MTARC2: variants seen among roughly 807,000 people sequenced by gnomAD.
MTARC2 encodes the protein mitochondrial amidoxime reducing component 2, also known as MOCO sulphurase C-terminal domain containing 2.
In MTARC2, 27 loss-of-function variants were observed where a neutral mutation model predicts 35.6. The observed-to-expected ratio is 0.76, with a 90% CI of 0.56 to 1.04. The LOEUF is 1.04. Ranked by LOEUF, MTARC2 falls within the 50% of genes least tolerant of loss-of-function variation. MTARC2 has a pLI of 0.00. For synonymous variants in MTARC2, 158 were observed against 167.1 expected (o/e 0.95, Z 0.42); for missense variants, 412 against 432.5 (o/e 0.95, Z 0.42).
intron 4 of MTARC2, among the ~76,000 whole-genome samples, chr1:220,768,231 A>C (rs183889467): frequency 1.5e-3 from 226 of 152,362 alleles, no homozygotes; most frequent in African/African-American, 5.2e-3. Context: ...TTTTAAAAGA[A>C]GTACAGGAAA....
chr1:220,765,265 G>T (rs928352289), intron 4 of MTARC2, among the ~76,000 whole-genome samples: 1 of 152,188 alleles, frequency 6.6e-6, no homozygotes, highest in African/African-American at 2.4e-5. Context: ...ATGAATAAAG[G>T]GGTGCTTGGG....
At chr1:220,757,783 A>G (rs961315373) in intron 2 of MTARC2, among the ~76,000 whole-genome samples, 1 of 152,152 alleles carries the variant, frequency 6.6e-6, no homozygotes, top group African/African-American at 2.4e-5. Context: ...GTGTCAACAA[A>G]GGAATTCTGG....
At chr1:220,764,125 G>A (rs369144519) in intron 4 of MTARC2, among the ~76,000 whole-genome samples, 4 of 150,096 alleles carry the variant, frequency 2.7e-5, no homozygotes, top group East Asian at 1.9e-4. Flanking sequence ...AGAGAGTCTC[G>A]CTCTGTCACC....
At chr1:220,760,680 AATG>A (rs2102550484) in intron 2 of MTARC2, among the ~76,000 whole-genome samples, 1 of 152,326 alleles carries the variant, frequency 6.6e-6, no homozygotes, top group Admixed American at 6.5e-5. Flanking sequence ...TCATAATTGT[AATG>A]ATAACTCAAT....
chr1:220,778,173 C>T (rs577183018), intron 4 of MTARC2, among the ~76,000 whole-genome samples: 35 of 133,010 alleles, frequency 2.6e-4, no homozygotes, highest in Non-Finnish European at 3.7e-4. Flanking sequence ...ATCTGGGAGG[C>T]GGAGATTGCG....
intron 4 of MTARC2, among the ~76,000 whole-genome samples, chr1:220,779,354 A>G (rs1173696535): frequency 6.6e-6 from 1 of 152,240 alleles, no homozygotes; most frequent in Non-Finnish European, 1.5e-5. Flanking sequence ...GCTGCTTTAC[A>G]TCCTCCAGTG....
At chr1:220,775,906 T>G (rs1331388048) in intron 4 of MTARC2, among the ~76,000 whole-genome samples, 2 of 152,254 alleles carry the variant, frequency 1.3e-5, no homozygotes, top group Non-Finnish European at 2.9e-5. Flanking sequence ...GTATACCACA[T>G]TTTCTTTATC....
chr1:220,768,658 G>C (rs1443665692), intron 4 of MTARC2, among the ~76,000 whole-genome samples: 1 of 152,120 alleles, frequency 6.6e-6, no homozygotes, highest in East Asian at 1.9e-4. Flanking sequence ...GGTGTCAGGG[G>C]CTGCCCTCTG....
chr1:220,761,909 A>G, intron 3 of MTARC2, 89 bp downstream of exon 3: 1 of 1,294,760 alleles, frequency 7.7e-7, no homozygotes, highest in East Asian at 2.3e-5. Flanking sequence ...CTCTCTTGGG[A>G]CCTCAGTTAA....
At chr1:220,769,583 CGGAT>C (rs1325928332) in intron 4 of MTARC2, among the ~76,000 whole-genome samples, 1 of 152,098 alleles carries the variant, frequency 6.6e-6, no homozygotes, top group East Asian at 1.9e-4. Context: ...GCAGGAGTTG[CGGAT>C]GTGCCTGGAG....
intron 4 of MTARC2, among the ~76,000 whole-genome samples, chr1:220,778,247 C>CAAAAAAAAAA (rs60336134): frequency 4.1e-5 from 4 of 97,306 alleles, no homozygotes; most frequent in Admixed American, 1.3e-4. Context: ...GACTCTGTCT[C>CAAAAAAAAAA]AAAAAAAAAA....
In MTARC2 at chr1:220,761,668, C is replaced by T. The variant is rs756787075; in HGVS notation, c.457C>T (p.Leu153Phe). ...TTGTGACCTTTCCAGGATATTTGGC[C>T]TTGACATTAAAGGCAGAGACTGTGG... ...NKLHNCRIFG[L>F]DIKGRDCGNE... The change falls in exon 3 of 8, where the codon CTT becomes TTT. Residue 153 changes from leucine to phenylalanine, a missense_variant. Leu to Phe is a conservative substitution (Grantham distance 22). Coordinates refer to ENST00000366913, the MANE Select transcript of MTARC2 (RefSeq NM_017898.5). 1.2e-6 allele frequency: 2 copies of T among 1,610,162 alleles called. No individual in the cohort carries two copies. The highest frequency in any genetic ancestry group is 2.2e-5 in the East Asian group (1 of 44,872).
chr1:220,769,934 C>CAAAAAAACAAAAAA (rs1671693223), intron 4 of MTARC2, among the ~76,000 whole-genome samples: 1 of 63,426 alleles, frequency 1.6e-5, no homozygotes, highest in Admixed American at 2.4e-4. Flanking sequence ...ACTAAAAATA[C>CAAAAAAACAAAAAA]AAAAAAAAAA....
At chr1:220,766,167 T>A (rs754885954) in intron 4 of MTARC2, among the ~76,000 whole-genome samples, 10 of 152,152 alleles carry the variant, frequency 6.6e-5, no homozygotes, top group Non-Finnish European at 1.3e-4. Flanking sequence ...TAAGAATGAA[T>A]CTAGACTTGG....
chr1:220,783,260 T>C (rs1310185699), intron 7 of MTARC2, among the ~76,000 whole-genome samples: 1 of 152,214 alleles, frequency 6.6e-6, no homozygotes, highest in Non-Finnish European at 1.5e-5. Context: ...ATCTTACAAT[T>C]GGTATATCTT....
intron 4 of MTARC2, among the ~76,000 whole-genome samples, chr1:220,764,096 A>T (rs901955092): frequency 4.2e-5 from 6 of 143,126 alleles, no homozygotes; most frequent in African/African-American, 7.7e-5. Context: ...ATGTGCCCTA[A>T]TTTTTTTTTT....
At chr1:220,769,443 A>G (rs1671674397) in intron 4 of MTARC2, among the ~76,000 whole-genome samples, 1 of 152,152 alleles carries the variant, frequency 6.6e-6, no homozygotes, top group Non-Finnish European at 1.5e-5. Context: ...GCCTTAAACA[A>G]CACTGGTGCC....
In MTARC2 at chr1:220,783,920, C is replaced by T. The variant is rs963875584; in HGVS notation, c.*33C>T. ...CAGAGATTCTTATTATTTATTCAGG[C>T]TTCAGCAACCAGGAGGGATTGACTG... On this transcript the variant is annotated splice_region_variant and 3_prime_UTR_variant, in exon 8 of 8. Coordinates refer to ENST00000366913, the MANE Select transcript of MTARC2 (RefSeq NM_017898.5). 6 of 717,448 alleles carry T rather than the reference C, an allele frequency of 8.4e-6. No homozygotes were observed. Among genetic ancestry groups the T allele is most frequent in the African/African-American group, 7.0e-5 (4 of 57,374 alleles). 44.4% of individuals were successfully genotyped at this position (717,448 alleles called of 1,614,324 possible).
intron 3 of MTARC2, 68 bp downstream of exon 3, chr1:220,761,888 T>A (rs1671447896): frequency 1.4e-6 from 2 of 1,455,338 alleles, no homozygotes; most frequent in South Asian, 2.7e-5. Context: ...CCTTCCCAGT[T>A]GATAAAGAGC....
Sources: allele counts gnomAD v4.1 joint callset (sites outside exome capture counted in the v4.1 genomes callset), GRCh38; gene constraint gnomAD v4.1.1; transcripts MANE v1.5; gene names NCBI Gene and HGNC (gene_info 2026-07-23, HGNC 2026-07-21).